The following CBL variants were observed in gnomAD, a reference collection of about 807,000 sequenced individuals.
The protein encoded by CBL is Cbl proto-oncogene.
CBL carries 45 observed loss-of-function variants against 96.9 expected under a neutral mutation model. The ratio of observed to expected loss-of-function variants is 0.46; its 90% confidence interval spans 0.37 to 0.60. The LOEUF is 0.60. CBL is among the 20% of genes least tolerant of loss of function. CBL has a pLI of 0.00. For synonymous variants in CBL, 420 were observed against 426.8 expected (o/e 0.98, Z 0.20); for missense variants, 1,024 against 1,143.5 (o/e 0.90, Z 1.51).
intron 9 of CBL, among the ~76,000 whole-genome samples, chr11:119,283,268 A>G (rs866535378): frequency 6.6e-6 from 1 of 152,364 alleles, no homozygotes. Flanking sequence ...TTAGCTGCTC[A>G]TGCTGCATTG....
At chr11:119,217,773 TA>T (rs1005078346) in intron 1 of CBL, among the ~76,000 whole-genome samples, 2 of 152,142 alleles carry the variant, frequency 1.3e-5, no homozygotes, top group African/African-American at 4.8e-5. Context: ...ATACTTACTT[TA>T]AAATACAAAT....
intron 2 of CBL, among the ~76,000 whole-genome samples, chr11:119,266,705 G>A (rs1278463162): frequency 6.6e-6 from 1 of 152,156 alleles, no homozygotes; most frequent in Non-Finnish European, 1.5e-5. Flanking sequence ...AGAGGAAGAC[G>A]GAAGCTGTAG....
intron 2 of CBL, among the ~76,000 whole-genome samples, chr11:119,254,460 G>C (rs1475617625): frequency 1.3e-5 from 2 of 152,158 alleles, no homozygotes; most frequent in Admixed American, 1.3e-4. Flanking sequence ...CTATACGGTA[G>C]AGCTTATTGC....
chr11:119,273,533 C>A (rs721444), intron 3 of CBL, among the ~76,000 whole-genome samples: 54,589 of 152,048 alleles, frequency 0.36, 10,817 homozygotes, highest in South Asian at 0.61. Context: ...TGATTTTCCC[C>A]CCTCAGCCTC....
rs542769151 is a variant in CBL at position 119,222,818 on chromosome 11, T to A, written c.196-9630T>A. ...CACAGGGCCTTTAGGAACCATTTTTTAAAAGAGGTTATACATAATAAGGAC... is the reference window on the plus strand; with the variant it reads ...CACAGGGCCTTTAGGAACCATTTTTAAAAAGAGGTTATACATAATAAGGAC... On this transcript the variant is annotated intron_variant, in intron 1 of 15. Coordinates refer to ENST00000264033, the MANE Select transcript of CBL (RefSeq NM_005188.4). 2.0e-5 allele frequency among the ~76,000 whole-genome samples: 3 copies of A among 152,254 alleles called. No individual in the cohort carries two copies. In the East Asian group the frequency reaches 5.8e-4, roughly 29 times the overall value.
intron 1 of CBL, among the ~76,000 whole-genome samples, chr11:119,210,904 AC>A (rs988207436): frequency 6.6e-6 from 1 of 151,814 alleles, no homozygotes; most frequent in African/African-American, 2.4e-5. Context: ...ATGCCTGAAA[AC>A]CCCCAATAGT....
chr11:119,232,723 T>A lies in CBL; in HGVS notation c.443+28T>A, dbSNP rs1348226890. 2.5e-6 allele frequency: 4 copies of A among 1,608,184 alleles called. No homozygotes were observed. The Admixed American group carries it at 6.7e-5, about 27-fold the overall frequency. On this transcript the variant is annotated intron_variant, in intron 2 of 15. Coordinates refer to ENST00000264033, the MANE Select transcript of CBL (RefSeq NM_005188.4). ...AATGGAGAAATACTACACAAATAATTATGCAGGTCTGTGACTGCCTGAATG... is the reference window on the plus strand; with the variant it reads ...AATGGAGAAATACTACACAAATAATAATGCAGGTCTGTGACTGCCTGAATG...
chr11:119,206,488 G>C lies in CBL; in HGVS notation c.71G>C (p.Gly24Ala), dbSNP rs1188757026. The change falls in exon 1 of 16, where the codon GGC becomes GCC. Residue 24 changes from glycine to alanine, a missense_variant. Physicochemically the swap from Gly to Ala is moderately conservative, Grantham distance 60. Around this residue, in one of 4 missense-constraint regions of CBL, gnomAD observed 114 missense variants for 117.4 expected, o/e 0.97. Coordinates refer to ENST00000264033, the MANE Select transcript of CBL (RefSeq NM_005188.4). ...GSGSGGSGSGGLIGLMKDAFQ... is the reference protein window; with the variant it reads ...GSGSGGSGSGALIGLMKDAFQ... ...GGCTCCGGGGGCTCGGGTTCGGGTG[G>C]CCTGATTGGGCTCATGAAGGACGCC... is the stretch of plus-strand genomic sequence containing the variant. 3 of 1,572,518 alleles carry C rather than the reference G, an allele frequency of 1.9e-6. No individual in the cohort carries two copies. Among genetic ancestry groups the C allele is most frequent in the African/African-American group, 2.7e-5 (2 of 74,202 alleles).
At chr11:119,231,206 C>A (rs549244852) in intron 1 of CBL, among the ~76,000 whole-genome samples, 2 of 152,130 alleles carry the variant, frequency 1.3e-5, no homozygotes, top group Admixed American at 6.6e-5. Flanking sequence ...CATTCGAGAC[C>A]AGCCTGGCCA....
At chr11:119,223,477 C>T (rs12801191) in intron 1 of CBL, among the ~76,000 whole-genome samples, 4,030 of 151,212 alleles carry the variant, frequency 0.027, 78 homozygotes, top group Non-Finnish European at 0.039. Flanking sequence ...TCACCCACAC[C>T]GGAGTGCAGT....
intron 2 of CBL, among the ~76,000 whole-genome samples, chr11:119,265,635 C>T (rs1489286918): frequency 6.6e-6 from 1 of 152,158 alleles, no homozygotes; most frequent in Non-Finnish European, 1.5e-5. Flanking sequence ...CCTGTAATCC[C>T]AGCACTTTGG....
intron 11 of CBL, among the ~76,000 whole-genome samples, chr11:119,286,976 A>G: frequency 6.6e-6 from 1 of 152,222 alleles, no homozygotes; most frequent in East Asian, 1.9e-4. Flanking sequence ...ATGTGAAGTT[A>G]TAGAGTACAA....
intron 2 of CBL, among the ~76,000 whole-genome samples, chr11:119,253,538 C>T (rs150232521): frequency 0.017 from 8 of 474 alleles, no homozygotes; most frequent in Non-Finnish European, 0.043. Context: ...ATGTGGCTCA[C>T]ACCTGTAATC....
At chr11:119,211,161 C>T (rs1194349957) in intron 1 of CBL, among the ~76,000 whole-genome samples, 1 of 152,138 alleles carries the variant, frequency 6.6e-6, no homozygotes, top group African/African-American at 2.4e-5. Context: ...CATCTGAGGT[C>T]AGGAGTTCGA....
chr11:119,245,581 T>C (rs1045624953), intron 2 of CBL, among the ~76,000 whole-genome samples: 2 of 151,860 alleles, frequency 1.3e-5, no homozygotes, highest in Non-Finnish European at 2.9e-5. Context: ...ATACAAAAAT[T>C]ACCCGGGCAT....
At chr11:119,208,950 C>A (rs1390214263) in intron 1 of CBL, among the ~76,000 whole-genome samples, 2 of 152,158 alleles carry the variant, frequency 1.3e-5, no homozygotes, top group Non-Finnish European at 2.9e-5. Context: ...GGAAAGTAGG[C>A]TTCTAGCTTT....
chr11:119,281,969 T>G (rs1004978329), intron 9 of CBL, among the ~76,000 whole-genome samples: 4 of 152,236 alleles, frequency 2.6e-5, no homozygotes, highest in African/African-American at 9.6e-5. Flanking sequence ...AATGTTTGTA[T>G]TTCTCTGATC....
chr11:119,241,568 C>T lies in CBL; in HGVS notation c.443+8873C>T, dbSNP rs978021166. 5.3e-5 allele frequency among the ~76,000 whole-genome samples: 8 copies of T among 152,232 alleles called. No individual in the cohort carries two copies. In the East Asian group the frequency reaches 1.2e-3, roughly 22 times the overall value. On this transcript the variant is annotated intron_variant, in intron 2 of 15. Transcript: ENST00000264033. The stretch of plus-strand genomic sequence containing the variant: ...AAAGCATAACCTCCATATTATCATC[C>T]GGTGGAACAGTATTTAACAAGCGAG...
intron 6 of CBL, among the ~76,000 whole-genome samples, chr11:119,276,967 C>T (rs1252036029): frequency 6.6e-6 from 1 of 152,124 alleles, no homozygotes; most frequent in Non-Finnish European, 1.5e-5. Flanking sequence ...GAAGTTAAGC[C>T]GGGTGCAGTG....
Sources: gnomAD v4.1 joint callset for allele counts (sites outside exome capture counted in the v4.1 genomes callset) on GRCh38, gnomAD v4.1.1 for gene constraint, gnomAD v4.1.1 regional missense constraint, MANE v1.5 for transcripts, NCBI Gene and HGNC (gene_info 2026-07-23, HGNC 2026-07-21) for gene names.